Variants in PCDHA9 observed in about 807,000 individuals in gnomAD.
PCDHA9 encodes protocadherin alpha-9.
PCDHA9 carries 62 observed loss-of-function variants against 62.0 expected under a neutral mutation model. The observed-to-expected ratio is 1.00, with a 90% CI of 0.81 to 1.23. The LOEUF is 1.23. Among genes scored for constraint, PCDHA9 ranks in the 50% most tolerant of loss-of-function variants. The probability of loss-of-function intolerance (pLI) is 0.00; values close to 1 mark genes in which losing one functional copy is unlikely to be tolerated. For missense variants in PCDHA9, 1,205 were observed against 1,249.8 expected (o/e 0.96, Z 0.54); for synonymous variants, 557 against 567.6 (o/e 0.98, Z 0.27).
At chr5:140,857,407 G>A (rs372428918) in intron 1 of PCDHA9, 10 of 1,598,382 alleles carry the variant, frequency 6.3e-6, no homozygotes, top group Non-Finnish European at 8.6e-6. Flanking sequence ...ACGCGCCTGC[G>A]TTCGCGCAGT....
intron 3 of PCDHA9, among the ~76,000 whole-genome samples, chr5:140,990,310 C>A (rs1371432693): frequency 3.9e-5 from 6 of 152,110 alleles, no homozygotes; most frequent in African/African-American, 1.2e-4. Context: ...CTGTAAAAAA[C>A]CAACCAAACA....
At chr5:140,895,964 C>T (rs2065282764) in intron 1 of PCDHA9, among the ~76,000 whole-genome samples, 2 of 152,120 alleles carry the variant, frequency 1.3e-5, no homozygotes, top group South Asian at 4.1e-4. Flanking sequence ...GTGCCTGTCA[C>T]CAGGCCTAGC....
chr5:140,923,171 G>T (rs1236853762), intron 1 of PCDHA9, among the ~76,000 whole-genome samples: 1 of 152,112 alleles, frequency 6.6e-6, no homozygotes, highest in Non-Finnish European at 1.5e-5. Flanking sequence ...ATAAATTTTT[G>T]TTCAGATGCA....
chr5:140,880,385 A>T (rs191215782), intron 1 of PCDHA9, among the ~76,000 whole-genome samples: 86 of 152,346 alleles, frequency 5.6e-4, no homozygotes, highest in African/African-American at 2.1e-3. Context: ...ATAGAAAATA[A>T]TTTTTAAGAG....
At chr5:140,886,623 C>T (rs1273600111) in intron 1 of PCDHA9, among the ~76,000 whole-genome samples, 39 of 151,848 alleles carry the variant, frequency 2.6e-4, no homozygotes, top group Admixed American at 2.4e-3. Flanking sequence ...ATCAGGAGTC[C>T]GAGACCAGCC....
chr5:140,932,421 G>T (rs530079640), intron 1 of PCDHA9, among the ~76,000 whole-genome samples: 1 of 151,878 alleles, frequency 6.6e-6, no homozygotes, highest in Non-Finnish European at 1.5e-5. Context: ...TTAGTGTATT[G>T]TTCACCTGGA....
At chr5:140,863,765 G>A (rs1385785601) in intron 1 of PCDHA9, 4 of 242,444 alleles carry the variant, frequency 1.6e-5, no homozygotes, top group African/African-American at 4.5e-5. Flanking sequence ...TTGGGAAGCC[G>A]AGGCGGGCGG....
Position 140,883,457 on chromosome 5 carries a change from C to T in PCDHA9, c.2394+32568C>T, listed in dbSNP as rs142331981. Reference sequence around the variant, plus strand: ...CTTGACGCCGCATGTCCCCTTCAAGCTGGTGTCCACCTACAAGAACTACTA... The same window carrying T: ...CTTGACGCCGCATGTCCCCTTCAAGTTGGTGTCCACCTACAAGAACTACTA... On this transcript the variant is annotated intron_variant, in intron 1 of 3. Coordinates refer to ENST00000532602, the MANE Select transcript of PCDHA9 (RefSeq NM_031857.2). 3.6e-4 allele frequency: 576 copies of T among 1,614,196 alleles called. 4 individuals are homozygous for T. In the African/African-American group the frequency reaches 6.4e-3, roughly 18 times the overall value.
chr5:140,867,971 C>T (rs1230179778), intron 1 of PCDHA9: 1 of 152,032 alleles, frequency 6.6e-6, no homozygotes, highest in African/African-American at 2.4e-5. Flanking sequence ...ATTCTTTCAA[C>T]AAGAAACAAA....
intron 3 of PCDHA9, among the ~76,000 whole-genome samples, chr5:140,995,889 A>G (rs1007675217): frequency 1.3e-5 from 2 of 152,202 alleles, no homozygotes; most frequent in African/African-American, 4.8e-5. Context: ...CTTCAGATTT[A>G]TCAATGTATA....
At chr5:140,966,232 C>A (rs1353392797) in intron 1 of PCDHA9, 14 of 285,432 alleles carry the variant, frequency 4.9e-5, no homozygotes, top group African/African-American at 2.4e-4. Flanking sequence ...TCCTTAAAGA[C>A]CCGTTAAGCA....
Position 140,877,583 on chromosome 5 carries a change from T to C in PCDHA9, c.2394+26694T>C. On this transcript the variant is annotated intron_variant, in intron 1 of 3. Transcript: ENST00000532602. ...ATTAACGTGTACCTCATCATCGCCA[T>C]CTGTGCGGTGTCCAGCCTGCTGGTG... 6.2e-7 allele frequency: 1 copy of C among 1,613,816 alleles called. No homozygotes were observed. Among genetic ancestry groups the C allele is most frequent in the Admixed American group, 1.7e-5 (1 of 60,032 alleles).
intron 1 of PCDHA9, among the ~76,000 whole-genome samples, chr5:140,907,450 T>C (rs1235040607): frequency 1.1e-4 from 17 of 152,218 alleles, no homozygotes; most frequent in Non-Finnish European, 2.5e-4. Context: ...CAGATGGTAA[T>C]CTTGGCAGAA....
intron 1 of PCDHA9, among the ~76,000 whole-genome samples, chr5:140,963,141 A>T (rs2095739692): frequency 6.6e-6 from 1 of 152,148 alleles, no homozygotes; most frequent in Non-Finnish European, 1.5e-5. Flanking sequence ...AATTATTTGG[A>T]TGAATTTAAA....
intron 1 of PCDHA9, among the ~76,000 whole-genome samples, chr5:140,917,163 G>C (rs948639951): frequency 6.6e-6 from 1 of 152,182 alleles, no homozygotes; most frequent in Non-Finnish European, 1.5e-5. Flanking sequence ...ATATGGGAGG[G>C]GTGATGGTGG....
At chr5:140,870,441 C>T in intron 1 of PCDHA9, 2 of 1,614,224 alleles carry the variant, frequency 1.2e-6, no homozygotes, top group South Asian at 1.1e-5. Context: ...AGGTGGCCGA[C>T]GTGAACGACA....
intron 1 of PCDHA9, chr5:140,884,310 G>C (rs1562802595): frequency 1.2e-6 from 2 of 1,613,792 alleles, no homozygotes; most frequent in African/African-American, 2.7e-5. Context: ...GCTTCGTCGA[G>C]GGCGTCGGCA....
chr5:140,883,262 G>T (rs1211665444), intron 1 of PCDHA9: 1 of 1,613,956 alleles, frequency 6.2e-7, no homozygotes. Flanking sequence ...TCCAATGGCG[G>T]GTCATTGTAC....
At chr5:140,914,065 C>CTCCA (rs2076587155) in intron 1 of PCDHA9, among the ~76,000 whole-genome samples, 1 of 152,106 alleles carries the variant, frequency 6.6e-6, no homozygotes. Flanking sequence ...GGATGAAATG[C>CTCCA]TCCATAACTA....
Sources: allele counts gnomAD v4.1 joint callset (sites outside exome capture counted in the v4.1 genomes callset), GRCh38; gene constraint gnomAD v4.1.1; transcripts MANE v1.5; gene names NCBI Gene and HGNC (gene_info 2026-07-23, HGNC 2026-07-21).